CCSER1: variants seen among roughly 807,000 people sequenced by gnomAD.
CCSER1 encodes serine-rich coiled-coil domain-containing protein 1.
CCSER1 carries 41 observed loss-of-function variants against 82.0 expected under a neutral mutation model. The observed-to-expected ratio is 0.50, with a 90% CI of 0.39 to 0.65. The LOEUF (loss-of-function observed/expected upper bound fraction) is 0.65, where lower values mean the gene tolerates loss of function less well. Ranked by LOEUF, CCSER1 falls within the 30% of genes least tolerant of loss-of-function variation. The probability of loss-of-function intolerance (pLI) is 0.00; values close to 1 mark genes in which losing one functional copy is unlikely to be tolerated. For missense variants in CCSER1, 1,119 were observed against 1,064.2 expected, an observed-to-expected ratio of 1.05 and a Z score of -0.72; for synonymous variants, 414 against 383.9, an observed-to-expected ratio of 1.08 and a Z score of -0.92.
intron 10 of CCSER1, among the ~76,000 whole-genome samples, chr4:91,463,324 C>T (rs549755025): frequency 6.6e-6 from 1 of 152,190 alleles, no homozygotes; most frequent in African/African-American, 2.4e-5. Context: ...AACTAACAAA[C>T]AGAAAGGACA....
At chr4:90,222,219 A>T (rs1057344403) in intron 1 of CCSER1, among the ~76,000 whole-genome samples, 1 of 152,158 alleles carries the variant, frequency 6.6e-6, no homozygotes, top group Non-Finnish European at 1.5e-5. Context: ...TCTTTCCTTA[A>T]GAAGATGTCT....
chr4:90,498,075 G>T (rs1044635998), intron 5 of CCSER1, among the ~76,000 whole-genome samples: 1 of 151,834 alleles, frequency 6.6e-6, no homozygotes, highest in African/African-American at 2.4e-5. Context: ...TATCCATGGG[G>T]GATAAATTCC....
intron 5 of CCSER1, among the ~76,000 whole-genome samples, chr4:90,567,727 C>A (rs550120351): frequency 1.2e-4 from 18 of 151,988 alleles, no homozygotes; most frequent in African/African-American, 4.3e-4. Context: ...CCACCTCAGC[C>A]TCCCAAAGAG....
At chr4:90,217,395 C>T (rs1348902012) in intron 1 of CCSER1, among the ~76,000 whole-genome samples, 1 of 152,106 alleles carries the variant, frequency 6.6e-6, no homozygotes, top group Non-Finnish European at 1.5e-5. Flanking sequence ...AACAGGGTTT[C>T]ATCATGTTGG....
intron 3 of CCSER1, among the ~76,000 whole-genome samples, chr4:90,349,465 T>A (rs1275910081): frequency 6.6e-6 from 1 of 152,126 alleles, no homozygotes; most frequent in Non-Finnish European, 1.5e-5. Flanking sequence ...TTTACTTTTC[T>A]ATCTTGTCTC....
chr4:91,205,741 T>C (rs911149197), intron 10 of CCSER1, among the ~76,000 whole-genome samples: 1 of 151,300 alleles, frequency 6.6e-6, no homozygotes. Context: ...CTGACTCATG[T>C]TACATTCTCT....
At chr4:90,783,755 A>G (rs949327537) in intron 7 of CCSER1, among the ~76,000 whole-genome samples, 10 of 152,222 alleles carry the variant, frequency 6.6e-5, no homozygotes, top group Admixed American at 6.5e-4. Context: ...CATTACATAG[A>G]AGAAATAAAA....
intron 1 of CCSER1, among the ~76,000 whole-genome samples, chr4:90,291,334 A>G (rs572133337): frequency 2.2e-4 from 33 of 152,136 alleles, no homozygotes; most frequent in African/African-American, 7.5e-4. Flanking sequence ...CCAAATATAA[A>G]ATTCAATACA....
chr4:90,615,158 G>A (rs970849334), intron 5 of CCSER1, among the ~76,000 whole-genome samples: 5 of 152,188 alleles, frequency 3.3e-5, no homozygotes, highest in Admixed American at 2.0e-4. Flanking sequence ...AAAAAAACAA[G>A]ATTTCTTTAA....
At chr4:90,621,574 A>C (rs1722335409) in intron 5 of CCSER1, among the ~76,000 whole-genome samples, 1 of 151,944 alleles carries the variant, frequency 6.6e-6, no homozygotes, top group Non-Finnish European at 1.5e-5. Context: ...AATGCTGATT[A>C]AAATTCTTGT....
intron 5 of CCSER1, among the ~76,000 whole-genome samples, chr4:90,603,772 G>T (rs528103754): frequency 9.2e-4 from 140 of 152,262 alleles, no homozygotes; most frequent in African/African-American, 3.3e-3. Context: ...TCCAAAAGCA[G>T]TTGCTTTCCA....
chr4:91,091,180 T>C (rs752359340), intron 10 of CCSER1, among the ~76,000 whole-genome samples: 1 of 152,204 alleles, frequency 6.6e-6, no homozygotes, highest in Non-Finnish European at 1.5e-5. Context: ...AGCGTCAAAT[T>C]ATAAGATTAT....
chr4:91,356,295 A>G (rs190015509), intron 10 of CCSER1, among the ~76,000 whole-genome samples: 1 of 152,382 alleles, frequency 6.6e-6, no homozygotes, highest in African/African-American at 2.4e-5. Flanking sequence ...TGGGGCCGAC[A>G]TGCGTTTTTC....
intron 6 of CCSER1, among the ~76,000 whole-genome samples, chr4:90,712,433 T>A (rs1040580838): frequency 1.3e-5 from 2 of 152,104 alleles, no homozygotes; most frequent in African/African-American, 4.8e-5. Flanking sequence ...GTTTCTGAAT[T>A]TTGATGTAAT....
intron 8 of CCSER1, among the ~76,000 whole-genome samples, chr4:90,869,847 C>A (rs999806002): frequency 6.6e-6 from 1 of 151,842 alleles, no homozygotes. Context: ...CATGGAATAT[C>A]TTTTCATTTT....
At chr4:91,314,261 T>C (rs1335319162) in intron 10 of CCSER1, among the ~76,000 whole-genome samples, 1 of 151,982 alleles carries the variant, frequency 6.6e-6, no homozygotes, top group Admixed American at 6.6e-5. Context: ...CTCAGTAACA[T>C]ATTTGTAATC....
chr4:91,053,652 G>T (rs1343535945), intron 9 of CCSER1, among the ~76,000 whole-genome samples: 1 of 152,108 alleles, frequency 6.6e-6, no homozygotes, highest in Non-Finnish European at 1.5e-5. Context: ...AAAGCACCCA[G>T]TTTCCATCCC....
chr4:91,125,712 TGAAG>T, intron 10 of CCSER1, among the ~76,000 whole-genome samples: 1 of 151,488 alleles, frequency 6.6e-6, no homozygotes, highest in Non-Finnish European at 1.5e-5. Flanking sequence ...AAAATAGATA[TGAAG>T]TAGAAAAAGG....
intron 10 of CCSER1, among the ~76,000 whole-genome samples, chr4:91,354,369 A>T (rs1748680781): frequency 6.6e-6 from 1 of 152,236 alleles, no homozygotes; most frequent in Non-Finnish European, 1.5e-5. Flanking sequence ...TAATGGTGCC[A>T]ATTATACAGC....
Sources: allele counts gnomAD v4.1 joint callset (sites outside exome capture counted in the v4.1 genomes callset), GRCh38; gene constraint gnomAD v4.1.1; transcripts MANE v1.5; gene names NCBI Gene and HGNC (gene_info 2026-07-23, HGNC 2026-07-21).